Variants in AFAP1 observed in about 807,000 individuals in gnomAD.
AFAP1 encodes the protein actin filament associated protein 1.
In AFAP1, 75 loss-of-function variants were observed where a neutral mutation model predicts 93.9. That is an observed-to-expected ratio of 0.80 (90% CI 0.66 to 0.97). The LOEUF is 0.97. Ranked by LOEUF, AFAP1 falls within the 50% of genes least tolerant of loss-of-function variation. The pLI, the probability that AFAP1 is intolerant of heterozygous loss-of-function variation, is 0.00. For missense variants in AFAP1, 1,201 were observed against 1,050.8 expected, an observed-to-expected ratio of 1.14 and a Z score of -1.98; for synonymous variants, 517 against 430.7, an observed-to-expected ratio of 1.20 and a Z score of -2.48.
intron 16 of AFAP1, among the ~76,000 whole-genome samples, chr4:7,770,879 G>A (rs1352338135): frequency 1.3e-5 from 2 of 152,278 alleles, no homozygotes; most frequent in African/African-American, 2.4e-5. Context: ...AGAGGGAGGG[G>A]CACAGGGCTC....
intron 1 of AFAP1, among the ~76,000 whole-genome samples, chr4:7,938,001 G>A (rs1721488242): frequency 1.3e-5 from 2 of 152,184 alleles, no homozygotes; most frequent in South Asian, 2.1e-4. Context: ...TTCAAGCTGT[G>A]CTACAGTTAA....
intron 1 of AFAP1, among the ~76,000 whole-genome samples, chr4:7,920,899 T>C (rs1720405034): frequency 6.6e-6 from 1 of 152,060 alleles, no homozygotes; most frequent in Non-Finnish European, 1.5e-5. Context: ...GTTTATAGGC[T>C]AGGAGAGGGA....
At chr4:7,780,754 T>C (rs375884135) in intron 13 of AFAP1, among the ~76,000 whole-genome samples, 18 of 152,202 alleles carry the variant, frequency 1.2e-4, no homozygotes, top group African/African-American at 4.3e-4. Context: ...ACGGTTATTA[T>C]TGTTCAATGG....
At chr4:7,778,999 G>C (rs1462594708) in intron 13 of AFAP1, 123 bp from the exon 14 acceptor site, 2 of 734,176 alleles carry the variant, frequency 2.7e-6, no homozygotes, top group Non-Finnish European at 4.4e-6. Context: ...CATAGATGGA[G>C]GAAAAATCGA....
At chr4:7,809,915 G>A (rs1035788525) in intron 8 of AFAP1, 152 bp from the exon 9 acceptor site, 5 of 905,594 alleles carry the variant, frequency 5.5e-6, no homozygotes, top group South Asian at 1.8e-5. Context: ...CTGGAGTGCA[G>A]TGTTGTGATC....
intron 1 of AFAP1, among the ~76,000 whole-genome samples, chr4:7,920,712 G>A (rs1463808930): frequency 6.6e-6 from 1 of 152,194 alleles, no homozygotes; most frequent in African/African-American, 2.4e-5. Context: ...AATAGCCTGG[G>A]CTTCTTCCTT....
At chr4:7,924,105 T>C (rs559534246) in intron 1 of AFAP1, among the ~76,000 whole-genome samples, 3 of 152,370 alleles carry the variant, frequency 2.0e-5, no homozygotes, top group African/African-American at 7.2e-5. Context: ...TGCTGCATTT[T>C]AGGCCCACAT....
At chr4:7,838,815 A>T in intron 5 of AFAP1, 112 bp from the exon 6 acceptor site, 1 of 1,156,766 alleles carries the variant, frequency 8.6e-7, no homozygotes, top group South Asian at 1.5e-5. Flanking sequence ...TGAAAGTCTG[A>T]ATCTGCAGAT....
At chr4:7,858,484 G>A (rs1715321881) in intron 3 of AFAP1, among the ~76,000 whole-genome samples, 1 of 152,056 alleles carries the variant, frequency 6.6e-6, no homozygotes, top group Admixed American at 6.6e-5. Flanking sequence ...ACAGGAGAAG[G>A]GCCGAAATGA....
At chr4:7,846,709 G>A (rs1713745354) in intron 4 of AFAP1, among the ~76,000 whole-genome samples, 1 of 152,148 alleles carries the variant, frequency 6.6e-6, no homozygotes, top group South Asian at 2.1e-4. Context: ...TTACACAGCA[G>A]GTGCTAGGAT....
At chr4:7,916,144 G>A (rs1720074396) in intron 1 of AFAP1, among the ~76,000 whole-genome samples, 3 of 152,292 alleles carry the variant, frequency 2.0e-5, no homozygotes, top group Admixed American at 6.5e-5. Flanking sequence ...TGTGCTTTGG[G>A]TAGGAGACCT....
At chr4:7,816,290 CCA>C (rs1384839364) in intron 7 of AFAP1, among the ~76,000 whole-genome samples, 191 bp from the exon 8 acceptor site, 6 of 151,714 alleles carry the variant, frequency 4.0e-5, no homozygotes, top group Admixed American at 3.9e-4. Context: ...TTAAAAACAT[CCA>C]GAGGGGGAAA....
chr4:7,764,208 C>T (rs761636759), intron 17 of AFAP1, among the ~76,000 whole-genome samples: 20 of 152,152 alleles, frequency 1.3e-4, no homozygotes, highest in Middle Eastern at 3.2e-3. Context: ...AATCCTGTAA[C>T]GATTTCACTT....
At chr4:7,932,984 C>A (rs1182035989) in intron 1 of AFAP1, among the ~76,000 whole-genome samples, 1 of 136,100 alleles carries the variant, frequency 7.3e-6, no homozygotes, top group Non-Finnish European at 1.5e-5. Context: ...CGCGCCACTG[C>A]ACTCCAGCCT....
chr4:7,782,214 G>A (rs932581421), intron 12 of AFAP1, among the ~76,000 whole-genome samples: 2 of 152,258 alleles, frequency 1.3e-5, no homozygotes, highest in East Asian at 1.9e-4. Flanking sequence ...GCCTGGAGCC[G>A]GTGAGTGGCA....
rs376269019 is a variant in AFAP1, at chr4:7,918,978, T to A, written c.-3+20678A>T. On this transcript the variant is annotated intron_variant, in intron 1 of 17. Transcript: ENST00000420658. ...GAAACAGGGCTGTTGGAAGAGACACTCGGCCCAGGTCACCAGGAAACAGGG... is the reference window on the plus strand; with the variant it reads ...GAAACAGGGCTGTTGGAAGAGACACACGGCCCAGGTCACCAGGAAACAGGG... Among the ~76,000 whole-genome samples, 37 of 138,102 alleles carry A rather than the reference T, an allele frequency of 2.7e-4. 3 individuals are homozygous for A. In the South Asian group the frequency reaches 8.6e-3, roughly 32 times the overall value. 90.6% of individuals were successfully genotyped at this position (138,102 alleles called of 152,430 possible).
At chr4:7,904,693 GGTTT>G (rs139005886) in intron 1 of AFAP1, among the ~76,000 whole-genome samples, 66,271 of 150,970 alleles carry the variant, frequency 0.44, 14,869 homozygotes, top group East Asian at 0.53. Flanking sequence ...TATTACAAAT[GGTTT>G]GTTTGTTTGT....
intron 3 of AFAP1, among the ~76,000 whole-genome samples, chr4:7,860,016 G>A (rs997328016): frequency 6.6e-6 from 1 of 152,056 alleles, no homozygotes; most frequent in South Asian, 2.1e-4. Flanking sequence ...GATGGTGCAT[G>A]CCTATAGTCC....
chr4:7,833,592 T>A (rs954121460), intron 6 of AFAP1, among the ~76,000 whole-genome samples: 3 of 148,974 alleles, frequency 2.0e-5, no homozygotes, highest in Non-Finnish European at 4.5e-5. Flanking sequence ...GAGATGTCTT[T>A]TTTTTTTTTT....
Sources: gnomAD v4.1 joint callset for allele counts (sites outside exome capture counted in the v4.1 genomes callset) on GRCh38, gnomAD v4.1.1 for gene constraint, MANE v1.5 for transcripts, NCBI Gene and HGNC (gene_info 2026-07-23, HGNC 2026-07-21) for gene names.